Variants in TASOR2 observed in about 807,000 individuals in gnomAD.
TASOR2 encodes protein TASOR 2.
A neutral mutation model predicts 199.5 loss-of-function variants in TASOR2; 84 were observed. The observed-to-expected ratio is 0.42, with a 90% confidence interval of 0.35 to 0.50. TASOR2 has a LOEUF of 0.50. Ranked by LOEUF, TASOR2 falls within the 20% of genes least tolerant of loss-of-function variation. The probability of loss-of-function intolerance (pLI) is 0.02; values close to 1 mark genes in which losing one functional copy is unlikely to be tolerated. For missense variants in TASOR2, 2,796 were observed against 2,835.9 expected (o/e 0.99, Z 0.32); for synonymous variants, 1,103 against 1,046.6 (o/e 1.05, Z -1.04).
rs371244683 is a variant in TASOR2 at position 5,750,046 on chromosome 10, C to G, written c.6606+19C>G. 22 of 1,551,430 alleles carry G rather than the reference C, an allele frequency of 1.4e-5. No individual in the cohort carries two copies. Among genetic ancestry groups the G allele is most frequent in the Admixed American group, 2.1e-5 (1 of 47,600 alleles). On this transcript the variant is annotated intron_variant, in intron 15 of 20. Coordinates refer to ENST00000328090, the Ensembl canonical transcript of TASOR2. This position sits in a 1 kb window ranked among gnomAD's most constrained non-coding sequence, Gnocchi z 5.4. The stretch of plus-strand genomic sequence containing the variant: ...AACAAAGGTAAAGTGCCAGCCACGT[C>G]TTACGTATTATTTTAATTGCTGATT...
intron 2 of TASOR2, among the ~76,000 whole-genome samples, chr10:5,717,361 A>G (rs1468140473): frequency 6.6e-6 from 1 of 151,968 alleles, no homozygotes; most frequent in Non-Finnish European, 1.5e-5. Flanking sequence ...CACCCTCCCT[A>G]CCTGAGTGAC....
At chr10:5,745,504 G>A (rs980144634) in intron 14 of TASOR2, among the ~76,000 whole-genome samples, 5 of 152,146 alleles carry the variant, frequency 3.3e-5, no homozygotes, top group Admixed American at 3.3e-4. Flanking sequence ...TTTAGGCTGG[G>A]CACAGTGGCT....
intron 11 of TASOR2, among the ~76,000 whole-genome samples, chr10:5,731,442 C>T (rs1219073536): frequency 6.6e-6 from 1 of 152,162 alleles, no homozygotes; most frequent in Non-Finnish European, 1.5e-5. Flanking sequence ...GCACAAGAAT[C>T]ATTTGAACCC....
At chr10:5,723,723 A>G in exon 7 of TASOR2, 1 of 1,600,994 alleles carries the variant, frequency 6.2e-7, no homozygotes, top group Non-Finnish European at 8.5e-7. Context: ...GTCTTCCTTG[A>G]AAAAAAGACT....
chr10:5,740,362 CT>C lies in TASOR2; in HGVS notation c.2194del (p.Cys732AlafsTer4). 3.7e-6 allele frequency: 6 copies of C among 1,614,198 alleles called. No individual in the cohort carries two copies. Among genetic ancestry groups the C allele is most frequent in the Non-Finnish European group, 4.2e-6 (5 of 1,180,030 alleles). Reference sequence around the variant, plus strand: ...CCGTCTGCCCGTGTGAAAAAATCTTCTTGCTCTCGTATAGTGCTTAGCTGTG... The same window carrying C: ...CCGTCTGCCCGTGTGAAAAAATCTTCTGCTCTCGTATAGTGCTTAGCTGTG... On this transcript the variant is annotated frameshift_variant, in exon 13 of 21. Coordinates refer to ENST00000328090, the Ensembl canonical transcript of TASOR2. LOFTEE classifies it high-confidence loss of function. This position sits in a 1 kb window ranked among gnomAD's most constrained non-coding sequence, Gnocchi z 5.3.
At chr10:5,717,421 T>A (rs1832799109) in intron 2 of TASOR2, among the ~76,000 whole-genome samples, 2 of 152,336 alleles carry the variant, frequency 1.3e-5, no homozygotes, top group South Asian at 4.1e-4. Context: ...AGCGCTCTCT[T>A]CCACTGTATC....
chr10:5,736,342 TG>T (rs889612692), intron 12 of TASOR2, among the ~76,000 whole-genome samples: 1 of 151,642 alleles, frequency 6.6e-6, no homozygotes, highest in African/African-American at 2.4e-5. Flanking sequence ...CGCTTGAACC[TG>T]GGGGGCAGAG....
At chr10:5,717,672 C>T in exon 3 of TASOR2, 1 of 1,221,636 alleles carries the variant, frequency 8.2e-7, no homozygotes, top group Non-Finnish European at 1.0e-6. Context: ...TATACATTTC[C>T]AAATACTCCG....
chr10:5,727,131 T>G lies in TASOR2; in HGVS notation c.487+8T>G. 6.2e-7 allele frequency: 1 copy of G among 1,614,012 alleles called. No homozygotes were observed. The highest frequency in any genetic ancestry group is 8.5e-7 in the Non-Finnish European group (1 of 1,179,948). ...GTTCACCCCTGTCAACAGGTGAGGATACAATGGTTTCCAGCTCACTCTGTC... is the reference window on the plus strand; with the variant it reads ...GTTCACCCCTGTCAACAGGTGAGGAGACAATGGTTTCCAGCTCACTCTGTC... On this transcript the variant is annotated splice_region_variant and intron_variant, in intron 10 of 20. Transcript: ENST00000328090.
chr10:5,763,241 CTAGA>C, exon 21 of TASOR2: 1 of 462,324 alleles, frequency 2.2e-6, no homozygotes, highest in Non-Finnish European at 3.8e-6. Context: ...GGTTGCAGTG[CTAGA>C]TATTGTTTTA....
In TASOR2 at chr10:5,750,697, C is replaced by G. The variant is rs1226003993; in HGVS notation, c.6606+670C>G. On this transcript the variant is annotated intron_variant, in intron 15 of 20. Coordinates refer to ENST00000328090, the Ensembl canonical transcript of TASOR2. This position sits in a 1 kb window ranked among gnomAD's most constrained non-coding sequence, Gnocchi z 5.4. ...CTTTACCCAGATACCCCAATATTAA[C>G]ATTTCTGAACCATTTGCAAATGTGT... 1.3e-5 allele frequency among the ~76,000 whole-genome samples: 2 copies of G among 152,210 alleles called. No individual in the cohort carries two copies. Among genetic ancestry groups the G allele is most frequent in the Non-Finnish European group, 2.9e-5 (2 of 68,028 alleles).
In TASOR2 at chr10:5,720,224, G is replaced by A. The variant is rs961191418; in HGVS notation, c.-99-320G>A. 22 of 982,068 alleles carry A rather than the reference G, an allele frequency of 2.2e-5. No individual in the cohort carries two copies. Among genetic ancestry groups the A allele is most frequent in the African/African-American group, 3.5e-5 (2 of 57,136 alleles). 60.8% of individuals were successfully genotyped at this position (982,068 alleles called of 1,614,324 possible). ...CCTAGAGTAAAGGTTATTGCTATTC[G>A]AAGGCATCTGATTAGTTTTAATATT... On this transcript the variant is annotated intron_variant, in intron 3 of 20. Transcript: ENST00000328090. The surrounding 1 kb of genome is among the most constrained non-coding windows in gnomAD (Gnocchi z 5.3).
intron 2 of TASOR2, 39 bp downstream of exon 2, chr10:5,712,957 A>G: frequency 3.1e-6 from 3 of 960,998 alleles, no homozygotes; most frequent in South Asian, 1.1e-4. Context: ...TGGTATCATT[A>G]GTCTTAAGTA....
intron 2 of TASOR2, among the ~76,000 whole-genome samples, chr10:5,715,258 A>G (rs1329703594): frequency 6.7e-6 from 1 of 150,212 alleles, no homozygotes; most frequent in African/African-American, 2.5e-5. Flanking sequence ...TTATTGAGAT[A>G]TAATTCACAA....
exon 1 of TASOR2, chr10:5,684,906 G>A (rs1035013250): frequency 3.0e-5 from 12 of 397,962 alleles, no homozygotes; most frequent in Non-Finnish European, 4.9e-5. Flanking sequence ...GCGTCCCGGG[G>A]TTGCCTCTTG....
intron 18 of TASOR2, among the ~76,000 whole-genome samples, chr10:5,760,097 G>A (rs1399849529): frequency 2.0e-5 from 3 of 152,198 alleles, no homozygotes; most frequent in African/African-American, 7.2e-5. Flanking sequence ...TCTATGTGCA[G>A]ACATAGAGTG....
rs530742098 is a variant in TASOR2 at position 5,710,310 on chromosome 10, A to G, written c.-287-2513A>G. Among the ~76,000 whole-genome samples, 2 of 152,260 alleles carry G rather than the reference A, an allele frequency of 1.3e-5. No individual in the cohort carries two copies. The highest frequency in any genetic ancestry group is 4.1e-4 in the South Asian group (2 of 4,822). ...ATTTTCCAACAACTTTGTTTTTAACATACCTCTGCTAACCATAAAATCACT... is the reference window on the plus strand; with the variant it reads ...ATTTTCCAACAACTTTGTTTTTAACGTACCTCTGCTAACCATAAAATCACT... On this transcript the variant is annotated intron_variant, in intron 1 of 20. Transcript: ENST00000328090. This position sits in a 1 kb window ranked among gnomAD's most constrained non-coding sequence, Gnocchi z 4.6.
At chr10:5,692,721 A>AT (rs1431380588) in intron 1 of TASOR2, 2 of 152,074 alleles carry the variant, frequency 1.3e-5, no homozygotes, top group African/African-American at 4.8e-5. Context: ...AGTCAGGGCC[A>AT]TGCCCCTGGG....
chr10:5,736,419 GA>G (rs56194741), intron 12 of TASOR2, among the ~76,000 whole-genome samples: 119,158 of 145,074 alleles, frequency 0.82, 48,705 homozygotes, highest in Non-Finnish European at 0.86. Flanking sequence ...CTCCGTCTCA[GA>G]AAAAAAAAAA....
Sources: gnomAD v4.1 joint callset for allele counts (sites outside exome capture counted in the v4.1 genomes callset) on GRCh38, gnomAD v4.1.1 for gene constraint, Gnocchi (gnomAD v3.1) non-coding constraint, MANE v1.5 for transcripts, NCBI Gene and HGNC (gene_info 2026-07-23, HGNC 2026-07-21) for gene names.